Variants in KLF8 observed in about 807,000 individuals in gnomAD.
KLF8 encodes the protein KLF transcription factor 8.
KLF8 carries 10 observed loss-of-function variants against 18.2 expected under a neutral mutation model. The ratio of observed to expected loss-of-function variants is 0.55; its 90% CI spans 0.34 to 0.93. The LOEUF is 0.93. Among genes scored for constraint, KLF8 ranks in the 40% least tolerant of loss-of-function variants. The probability of loss-of-function intolerance (pLI) is 0.02; values close to 1 mark genes in which losing one functional copy is unlikely to be tolerated. For missense variants in KLF8, 264 were observed against 277.9 expected (o/e 0.95, Z 0.36); for synonymous variants, 109 against 97.3 (o/e 1.12, Z -0.71).
At chrX:55,914,229 C>T in the KLF8 span, among the ~76,000 whole-genome samples, 2 of 111,430 alleles carry the variant, frequency 1.8e-5, no homozygotes, top group Non-Finnish European at 3.8e-5. Context: ...AGGCAGATGG[C>T]TTTTGAAATG....
the KLF8 span, among the ~76,000 whole-genome samples, chrX:55,952,272 C>A: frequency 2.7e-5 from 3 of 111,991 alleles, no homozygotes; most frequent in Admixed American, 9.5e-5. Flanking sequence ...ATAACAGACT[C>A]CAATCACTTA....
the KLF8 span, among the ~76,000 whole-genome samples, chrX:56,177,632 C>T: frequency 2.7e-5 from 3 of 111,643 alleles, no homozygotes; most frequent in Non-Finnish European, 5.6e-5. Context: ...TCAAAGCTGT[C>T]AGACAGGGAC....
chrX:55,926,899 A>C, the KLF8 span, among the ~76,000 whole-genome samples: 1 of 94,866 alleles, frequency 1.1e-5, no homozygotes, highest in East Asian at 2.9e-4. Context: ...AGACAACCCT[A>C]AAAAAAAAGT....
At chrX:56,275,681 C>T (rs891115293) in intron 5 of KLF8, among the ~76,000 whole-genome samples, 1 of 112,144 alleles carries the variant, frequency 8.9e-6, no homozygotes, top group Non-Finnish European at 1.9e-5. Flanking sequence ...TACACCCAGT[C>T]TTCTGAGGAT....
At chrX:56,159,793 T>C in the KLF8 span, among the ~76,000 whole-genome samples, 7 of 111,600 alleles carry the variant, frequency 6.3e-5, no homozygotes, top group Non-Finnish European at 1.3e-4. Context: ...TCTTTATTAG[T>C]CTTGGTAGTG....
intron 2 of KLF8, among the ~76,000 whole-genome samples, chrX:56,259,038 A>G (rs1602439328): frequency 1.8e-5 from 2 of 111,927 alleles, no homozygotes; most frequent in African/African-American, 6.5e-5. Context: ...TTTGGTTGTC[A>G]CCTGCCCTTT....
the KLF8 span, among the ~76,000 whole-genome samples, chrX:56,052,542 G>C: frequency 3.6e-5 from 4 of 111,836 alleles, no homozygotes; most frequent in African/African-American, 1.3e-4. Context: ...AGGTGTCAGT[G>C]TGCCCCTGCT....
chrX:55,937,498 C>A, the KLF8 span, among the ~76,000 whole-genome samples: 1 of 112,730 alleles, frequency 8.9e-6, no homozygotes, highest in African/African-American at 3.2e-5. Flanking sequence ...CAGCTCCTCA[C>A]TAGCAATGGA....
At chrX:56,144,540 G>A in the KLF8 span, among the ~76,000 whole-genome samples, 4 of 108,586 alleles carry the variant, frequency 3.7e-5, no homozygotes, top group Non-Finnish European at 7.6e-5. Context: ...ACAAGGTCAG[G>A]AGTTCAACAC....
the KLF8 span, among the ~76,000 whole-genome samples, chrX:55,932,304 G>A: frequency 5.5e-5 from 6 of 109,717 alleles, no homozygotes; most frequent in African/African-American, 2.0e-4. Context: ...CACAATGTTG[G>A]GTCTTGACTC....
chrX:56,174,104 T>C, the KLF8 span, among the ~76,000 whole-genome samples: 6 of 111,680 alleles, frequency 5.4e-5, no homozygotes, highest in African/African-American at 2.0e-4. Context: ...TCCTTCCTGA[T>C]TGGCCTGGCC....
chrX:56,030,652 G>A, the KLF8 span, among the ~76,000 whole-genome samples: 1 of 108,649 alleles, frequency 9.2e-6, no homozygotes, highest in African/African-American at 3.4e-5. Context: ...GCCACCAAGG[G>A]AGGAGTTTCT....
the KLF8 span, among the ~76,000 whole-genome samples, chrX:56,176,902 C>T: frequency 1.6e-4 from 18 of 111,838 alleles, no homozygotes; most frequent in East Asian, 3.9e-3. Context: ...AATCAGCTAC[C>T]GAGGCTTGTG....
the KLF8 span, among the ~76,000 whole-genome samples, chrX:56,131,798 C>T: frequency 9.0e-6 from 1 of 111,589 alleles, no homozygotes; most frequent in South Asian, 3.7e-4. Context: ...AGAAGATATT[C>T]CATGCAAATG....
At chrX:56,238,150 T>C (rs2066500441) in intron 1 of KLF8, among the ~76,000 whole-genome samples, 1 of 111,758 alleles carries the variant, frequency 8.9e-6, no homozygotes, top group African/African-American at 3.3e-5. Flanking sequence ...AGTTGGTTGA[T>C]TGCCAATATT....
the KLF8 span, among the ~76,000 whole-genome samples, chrX:56,161,895 G>T: frequency 9.0e-6 from 1 of 111,440 alleles, no homozygotes; most frequent in Admixed American, 9.6e-5. Flanking sequence ...CCCCATCTTT[G>T]TGGTTTTATC....
the KLF8 span, among the ~76,000 whole-genome samples, chrX:55,942,938 T>C: frequency 9.0e-6 from 1 of 111,592 alleles, no homozygotes; most frequent in Non-Finnish European, 1.9e-5. Flanking sequence ...CAGCATGTTC[T>C]GTGGATGCCT....
chrX:55,948,935 T>A, the KLF8 span, among the ~76,000 whole-genome samples: 6 of 112,359 alleles, frequency 5.3e-5, no homozygotes, highest in Non-Finnish European at 1.1e-4. Flanking sequence ...CTAGCAATAA[T>A]TATTCAGTTG....
At chrX:56,026,041 G>A in the KLF8 span, among the ~76,000 whole-genome samples, 2 of 111,977 alleles carry the variant, frequency 1.8e-5, no homozygotes, top group African/African-American at 3.2e-5. Flanking sequence ...GTCAACTTCC[G>A]GGTTTGACTG....
Sources: allele counts gnomAD v4.1 joint callset (sites outside exome capture counted in the v4.1 genomes callset), GRCh38; gene constraint gnomAD v4.1.1; transcripts MANE v1.5; gene names NCBI Gene and HGNC (gene_info 2026-07-23, HGNC 2026-07-21).